The following PRKCE variants were observed in gnomAD, a reference collection of about 807,000 sequenced individuals.
PRKCE encodes protein kinase C epsilon, also known as protein kinase C epsilon type.
In PRKCE, 16 loss-of-function variants were observed where a neutral mutation model predicts 85.4. The observed-to-expected ratio is 0.19, with a 90% confidence interval of 0.13 to 0.28. The LOEUF (loss-of-function observed/expected upper bound fraction) is 0.28. PRKCE is among the 10% of genes least tolerant of loss of function. The pLI is 1.00. For missense variants in PRKCE, 573 were observed against 975.2 expected, an observed-to-expected ratio of 0.59 and a Z score of 5.49; for synonymous variants, 388 against 371.5, an observed-to-expected ratio of 1.04 and a Z score of -0.51.
At chr2:45,783,260 A>G (rs550627777) in intron 1 of PRKCE, among the ~76,000 whole-genome samples, 12 of 152,292 alleles carry the variant, frequency 7.9e-5, no homozygotes, top group African/African-American at 2.4e-4. Context: ...CCAAATACTC[A>G]GGGTTTTCTT....
At chr2:46,057,766 TCAAG>T (rs1428654963) in intron 10 of PRKCE, among the ~76,000 whole-genome samples, 1 of 152,200 alleles carries the variant, frequency 6.6e-6, no homozygotes, top group Non-Finnish European at 1.5e-5. Flanking sequence ...GTATTTTTTC[TCAAG>T]CATTCAGGCG....
chr2:45,909,279 G>T (rs929821070), intron 2 of PRKCE, among the ~76,000 whole-genome samples: 7 of 152,168 alleles, frequency 4.6e-5, no homozygotes, highest in African/African-American at 1.7e-4. Context: ...AGAAAGGAAG[G>T]CTCCAATTGG....
chr2:45,685,828 A>G (rs1004634042), intron 1 of PRKCE, among the ~76,000 whole-genome samples: 24 of 152,178 alleles, frequency 1.6e-4, no homozygotes, highest in African/African-American at 5.5e-4. Context: ...AGACTAGAGC[A>G]CTCTGCTGTG....
chr2:45,771,702 CGTGTGTGTGT>C (rs61209033), intron 1 of PRKCE, among the ~76,000 whole-genome samples: 5 of 146,918 alleles, frequency 3.4e-5, no homozygotes, highest in African/African-American at 5.1e-5. Context: ...CAGAGTGGGG[CGTGTGTGTGT>C]GTGTGTGTGT....
chr2:45,662,549 C>T (rs1181805531), intron 1 of PRKCE, among the ~76,000 whole-genome samples: 1 of 152,088 alleles, frequency 6.6e-6, no homozygotes, highest in Non-Finnish European at 1.5e-5. Context: ...GTAAAGGCAC[C>T]TGTTAACAAT....
At chr2:45,839,209 T>C (rs1165357238) in intron 1 of PRKCE, among the ~76,000 whole-genome samples, 4 of 152,178 alleles carry the variant, frequency 2.6e-5, no homozygotes, top group Admixed American at 2.6e-4. Context: ...GACAACCCAT[T>C]TCACGGATGA....
intron 1 of PRKCE, chr2:45,840,331 C>G (rs1392606449): frequency 6.6e-6 from 1 of 152,252 alleles, no homozygotes; most frequent in Non-Finnish European, 1.5e-5. Flanking sequence ...TGGTTTGGCT[C>G]TATTCAGCAG....
intron 2 of PRKCE, among the ~76,000 whole-genome samples, chr2:45,892,998 C>G (rs956379075): frequency 3.9e-5 from 6 of 152,150 alleles, no homozygotes; most frequent in African/African-American, 1.4e-4. Context: ...GCCCACTTTC[C>G]CATTGCCTCA....
At chr2:45,927,754 A>G (rs1047555366) in intron 2 of PRKCE, among the ~76,000 whole-genome samples, 5 of 152,270 alleles carry the variant, frequency 3.3e-5, no homozygotes, top group Non-Finnish European at 7.3e-5. Context: ...CATTAAATAG[A>G]TAAACACATA....
intron 1 of PRKCE, among the ~76,000 whole-genome samples, chr2:45,762,691 A>T (rs1684604599): frequency 6.6e-6 from 1 of 152,220 alleles, no homozygotes; most frequent in African/African-American, 2.4e-5. Flanking sequence ...CCATCAACAT[A>T]ATACCTATTA....
intron 10 of PRKCE, among the ~76,000 whole-genome samples, chr2:46,018,206 T>C (rs952858053): frequency 5.9e-5 from 9 of 152,192 alleles, no homozygotes; most frequent in African/African-American, 1.2e-4. Flanking sequence ...CGATCCAAAA[T>C]GGGCTGGAGT....
intron 1 of PRKCE, among the ~76,000 whole-genome samples, chr2:45,833,630 T>C (rs954522281): frequency 3.9e-5 from 6 of 152,194 alleles, no homozygotes; most frequent in Admixed American, 6.5e-5. Context: ...AGAACTGGGA[T>C]TGGAACCCGG....
At chr2:46,162,259 G>A (rs1419898934) in intron 14 of PRKCE, among the ~76,000 whole-genome samples, 1 of 152,150 alleles carries the variant, frequency 6.6e-6, no homozygotes, top group Non-Finnish European at 1.5e-5. Context: ...CTGTCCTTGG[G>A]CCTCTTGGGA....
intron 11 of PRKCE, among the ~76,000 whole-genome samples, chr2:46,106,905 C>T (rs1671770469): frequency 6.6e-6 from 1 of 152,192 alleles, no homozygotes; most frequent in Admixed American, 6.5e-5. Flanking sequence ...ACCTTTCTTC[C>T]CCACCCTTCG....
rs1159131179 is a variant in PRKCE at position 45,695,393 on chromosome 2, A to G, written c.348+42945A>G. Reference sequence around the variant, plus strand: ...TTCCTTTTCTGCAGGGAGATGGTGTATGTGTTAGATAAATGTACCACCACT... The same window carrying G: ...TTCCTTTTCTGCAGGGAGATGGTGTGTGTGTTAGATAAATGTACCACCACT... On this transcript the variant is annotated intron_variant, in intron 1 of 14. Coordinates refer to ENST00000306156, the MANE Select transcript of PRKCE (RefSeq NM_005400.3). 2.0e-5 allele frequency among the ~76,000 whole-genome samples: 3 copies of G among 152,296 alleles called. 1 individual carries two copies. Among genetic ancestry groups the G allele is most frequent in the South Asian group, 4.1e-4 (2 of 4,824 alleles).
chr2:45,908,261 T>C lies in PRKCE; in HGVS notation c.412+65198T>C, dbSNP rs1345502966. On this transcript the variant is annotated intron_variant, in intron 2 of 14. Coordinates refer to ENST00000306156, the MANE Select transcript of PRKCE (RefSeq NM_005400.3). ...GGCACAGGTTGAAGGGAAAGAAACATGATAAAATAACTCCTAGGCACTGGG... is the reference window on the plus strand; with the variant it reads ...GGCACAGGTTGAAGGGAAAGAAACACGATAAAATAACTCCTAGGCACTGGG... 2.6e-5 allele frequency among the ~76,000 whole-genome samples: 4 copies of C among 152,016 alleles called. No homozygotes were observed. In the East Asian group the frequency reaches 5.8e-4, roughly 22 times the overall value.
intron 2 of PRKCE, among the ~76,000 whole-genome samples, chr2:45,967,026 A>G (rs933053725): frequency 1.3e-5 from 2 of 152,220 alleles, no homozygotes; most frequent in African/African-American, 2.4e-5. Flanking sequence ...AACCTGAACC[A>G]TGGCTGTATA....
intron 11 of PRKCE, among the ~76,000 whole-genome samples, chr2:46,141,726 T>C (rs1053311122): frequency 6.0e-5 from 9 of 150,124 alleles, no homozygotes; most frequent in African/African-American, 2.2e-4. Context: ...ATATGTCCCA[T>C]TCCTCAAAAG....
rs778834528 is a variant in PRKCE, at chr2:46,138,828, C to A, written c.1593-6265C>A. 5.9e-5 allele frequency among the ~76,000 whole-genome samples: 9 copies of A among 152,224 alleles called. No homozygotes were observed. The highest frequency in any genetic ancestry group is 2.1e-4 in the South Asian group (1 of 4,820). ...ACATCCTGTAGTACACAGCACAGCC[C>A]CCCACAACACAGGATTATCCAGTCC... On this transcript the variant is annotated intron_variant, in intron 11 of 14. Coordinates refer to ENST00000306156, the MANE Select transcript of PRKCE (RefSeq NM_005400.3). This position sits in a 1 kb window ranked among gnomAD's most constrained non-coding sequence, Gnocchi z 4.2.
Sources: gnomAD v4.1 joint callset for allele counts (sites outside exome capture counted in the v4.1 genomes callset) on GRCh38, gnomAD v4.1.1 for gene constraint, Gnocchi (gnomAD v3.1) non-coding constraint, MANE v1.5 for transcripts, NCBI Gene and HGNC (gene_info 2026-07-23, HGNC 2026-07-21) for gene names.